The following CACNA2D3 variants were observed in gnomAD, a reference collection of about 807,000 sequenced individuals.
CACNA2D3 encodes the protein voltage-dependent calcium channel subunit alpha-2/delta-3.
A neutral mutation model predicts 160.6 loss-of-function variants in CACNA2D3; 60 were observed. That is an observed-to-expected ratio of 0.37 (90% confidence interval 0.30 to 0.46). The LOEUF (loss-of-function observed/expected upper bound fraction) is 0.46, where lower values mean the gene tolerates loss of function less well. Among genes scored for constraint, CACNA2D3 ranks in the 20% least tolerant of loss-of-function variants. CACNA2D3 has a pLI of 1.00. For synonymous variants in CACNA2D3, 558 were observed against 492.9 expected (o/e 1.13, Z -1.75); for missense variants, 1,205 against 1,365.0 (o/e 0.88, Z 1.85).
intron 11 of CACNA2D3, among the ~76,000 whole-genome samples, chr3:54,709,868 G>A (rs1700923419): frequency 6.6e-6 from 1 of 152,212 alleles, no homozygotes; most frequent in African/African-American, 2.4e-5. Context: ...TGAGTCTGCA[G>A]TGAGCCATGG....
intron 2 of CACNA2D3, among the ~76,000 whole-genome samples, chr3:54,262,654 G>A (rs562053300): frequency 1.4e-4 from 21 of 152,208 alleles, no homozygotes; most frequent in Middle Eastern, 6.8e-3. Flanking sequence ...CTGAGCATCC[G>A]TCGTGTGATT....
At chr3:54,372,625 C>G (rs972964008) in intron 3 of CACNA2D3, among the ~76,000 whole-genome samples, 2 of 152,168 alleles carry the variant, frequency 1.3e-5, no homozygotes, top group Non-Finnish European at 2.9e-5. Context: ...TCTTTTATCA[C>G]TTGCATATGT....
intron 2 of CACNA2D3, among the ~76,000 whole-genome samples, chr3:54,152,310 A>C (rs1175640738): frequency 6.6e-6 from 1 of 152,180 alleles, no homozygotes; most frequent in African/African-American, 2.4e-5. Flanking sequence ...GATTTCGATC[A>C]TTGGGTGTGT....
chr3:54,462,710 G>C (rs1700530518), intron 4 of CACNA2D3, among the ~76,000 whole-genome samples: 1 of 152,158 alleles, frequency 6.6e-6, no homozygotes, highest in Admixed American at 6.5e-5. Flanking sequence ...GCACACTGAT[G>C]GGTCTTGACT....
At chr3:54,717,679 GTGGT>G (rs1350609095) in intron 11 of CACNA2D3, among the ~76,000 whole-genome samples, 3 of 145,918 alleles carry the variant, frequency 2.1e-5, no homozygotes, top group Non-Finnish European at 3.0e-5. Context: ...TGTGGTGTGT[GTGGT>G]GTGTGCGTGC....
At chr3:54,156,365 G>A (rs969341395) in intron 2 of CACNA2D3, among the ~76,000 whole-genome samples, 12 of 152,176 alleles carry the variant, frequency 7.9e-5, no homozygotes, top group Admixed American at 1.3e-4. Context: ...AGGGAGCTGG[G>A]CCTTCATACA....
At chr3:55,062,379 G>T (rs769782044) in intron 35 of CACNA2D3, among the ~76,000 whole-genome samples, 23 of 151,502 alleles carry the variant, frequency 1.5e-4, no homozygotes, top group Non-Finnish European at 2.9e-4. Flanking sequence ...CTCTCAAAGT[G>T]CTGGGATAAC....
chr3:54,259,247 T>C (rs1055996954), intron 2 of CACNA2D3, among the ~76,000 whole-genome samples: 2 of 152,156 alleles, frequency 1.3e-5, no homozygotes, highest in African/African-American at 4.8e-5. Flanking sequence ...GCTAAGCTGA[T>C]AGGATGAGAG....
intron 20 of CACNA2D3, among the ~76,000 whole-genome samples, chr3:54,880,367 G>A (rs1261981680): frequency 6.6e-6 from 1 of 152,226 alleles, no homozygotes. Flanking sequence ...ATGTAGTAGT[G>A]GAAGTTTTTG....
At chr3:54,896,908 G>A (rs1475423244) in intron 26 of CACNA2D3, 38 bp downstream of exon 26, 1 of 1,613,362 alleles carries the variant, frequency 6.2e-7, no homozygotes, top group Admixed American at 1.7e-5. Flanking sequence ...TGTCTGTCTG[G>A]TCCAGTGGGT....
chr3:54,826,398 G>A (rs1045938495), intron 14 of CACNA2D3, among the ~76,000 whole-genome samples: 3 of 152,180 alleles, frequency 2.0e-5, no homozygotes, highest in African/African-American at 7.2e-5. Flanking sequence ...AATGTTAGAT[G>A]TTTATCCCTT....
chr3:54,822,798 T>TCTTTC (rs1575496381), intron 14 of CACNA2D3, among the ~76,000 whole-genome samples: 53 of 81,852 alleles, frequency 6.5e-4, no homozygotes, highest in East Asian at 3.8e-3. Context: ...TTCCTTTCTT[T>TCTTTC]CTTTCTTTCT....
rs566708152 is a variant in CACNA2D3, at chr3:54,402,774, A to T, written c.381+16000A>T. Among the ~76,000 whole-genome samples the T allele has an allele frequency of 2.9e-3, 435 of 152,322 alleles. 2 individuals are homozygous for T. Among genetic ancestry groups the T allele is most frequent in the Non-Finnish European group, 4.7e-3 (323 of 68,032 alleles). ...GTAATTGAACTGCACTTCAGAAAAA[A>T]ATGGACTTAACAAATATATACACAA... On this transcript the variant is annotated intron_variant, in intron 4 of 37. Coordinates refer to ENST00000474759, the MANE Select transcript of CACNA2D3 (RefSeq NM_018398.3).
chr3:54,301,363 C>T (rs1703474193), intron 2 of CACNA2D3, among the ~76,000 whole-genome samples: 1 of 151,500 alleles, frequency 6.6e-6, no homozygotes, highest in Non-Finnish European at 1.5e-5. Flanking sequence ...CTTTGGGAGG[C>T]CAAGGCAGGC....
intron 2 of CACNA2D3, among the ~76,000 whole-genome samples, chr3:54,158,501 C>T (rs1045931332): frequency 3.3e-5 from 5 of 152,108 alleles, no homozygotes; most frequent in East Asian, 1.9e-4. Context: ...CAGGATAAAC[C>T]GACTTTTCCA....
intron 27 of CACNA2D3, among the ~76,000 whole-genome samples, chr3:54,914,262 A>G (rs1206996053): frequency 6.6e-6 from 1 of 152,150 alleles, no homozygotes; most frequent in Non-Finnish European, 1.5e-5. Context: ...TCAGTAATGG[A>G]TACCTGGAAA....
intron 18 of CACNA2D3, among the ~76,000 whole-genome samples, chr3:54,874,121 A>C (rs1699606766): frequency 6.6e-6 from 1 of 152,208 alleles, no homozygotes; most frequent in Non-Finnish European, 1.5e-5. Flanking sequence ...CACAGTTATA[A>C]CCTGCATACT....
At chr3:54,735,319 C>T (rs979844261) in intron 11 of CACNA2D3, among the ~76,000 whole-genome samples, 2 of 152,202 alleles carry the variant, frequency 1.3e-5, no homozygotes, top group Non-Finnish European at 2.9e-5. Flanking sequence ...GCCCCCATAT[C>T]TCAGATACCC....
At chr3:54,900,085 T>C (rs555229566) in intron 27 of CACNA2D3, among the ~76,000 whole-genome samples, 1 of 152,294 alleles carries the variant, frequency 6.6e-6, no homozygotes, top group Admixed American at 6.5e-5. Flanking sequence ...TTTCCCAGCG[T>C]TTCTATCCTT....
Sources: gnomAD v4.1 joint callset for allele counts (sites outside exome capture counted in the v4.1 genomes callset) on GRCh38, gnomAD v4.1.1 for gene constraint, MANE v1.5 for transcripts, NCBI Gene and HGNC (gene_info 2026-07-23, HGNC 2026-07-21) for gene names.